AK8: variants seen among roughly 807,000 people sequenced by gnomAD.
AK8 encodes adenylate kinase 8.
A neutral mutation model predicts 54.6 loss-of-function variants in AK8; 44 were observed. That is an observed-to-expected ratio of 0.81 (90% confidence interval 0.63 to 1.04). The LOEUF is 1.04. Ranked by LOEUF, AK8 falls within the 50% of genes least tolerant of loss-of-function variation. The probability of loss-of-function intolerance (pLI) is 0.00; values close to 1 mark genes in which losing one functional copy is unlikely to be tolerated. For missense variants in AK8, 555 were observed against 613.6 expected, an observed-to-expected ratio of 0.90 and a Z score of 1.01; for synonymous variants, 239 against 245.6, an observed-to-expected ratio of 0.97 and a Z score of 0.25.
chr9:132,756,986 T>G (rs1408096084), intron 11 of AK8, among the ~76,000 whole-genome samples: 1 of 152,240 alleles, frequency 6.6e-6, no homozygotes, highest in Non-Finnish European at 1.5e-5. Flanking sequence ...TTATTGCCTC[T>G]CTATCATGAT....
intron 11 of AK8, among the ~76,000 whole-genome samples, chr9:132,750,579 T>C (rs1363687519): frequency 2.6e-5 from 4 of 151,972 alleles, no homozygotes; most frequent in Admixed American, 2.0e-4. Context: ...AAAACCACGC[T>C]TTCTTCTCAA....
At chr9:132,870,268 T>G (rs17149885) in intron 2 of AK8, among the ~76,000 whole-genome samples, 17,819 of 152,212 alleles carry the variant, frequency 0.12, 2,217 homozygotes, top group African/African-American at 0.31. Context: ...ATTAATTTCA[T>G]TTTCTTAAAA....
intron 11 of AK8, among the ~76,000 whole-genome samples, chr9:132,735,350 C>T (rs1345886889): frequency 1.3e-5 from 2 of 152,270 alleles, no homozygotes; most frequent in African/African-American, 4.8e-5. Flanking sequence ...GATCCATGGA[C>T]GGATTGGGTA....
Position 132,776,899 on chromosome 9 carries a change from G to A in AK8, c.1121+15735C>T, listed in dbSNP as rs564062460. On this transcript the variant is annotated intron_variant, in intron 11 of 12. Coordinates refer to ENST00000298545, the MANE Select transcript of AK8 (RefSeq NM_152572.3). ...TCCGGCTTCCACAGGCCATACTTGGGGCCAAGTTCTAGACAACCTGGGACA... is the reference window on the plus strand; with the variant it reads ...TCCGGCTTCCACAGGCCATACTTGGAGCCAAGTTCTAGACAACCTGGGACA... 1.6e-4 allele frequency among the ~76,000 whole-genome samples: 24 copies of A among 152,268 alleles called. No individual in the cohort carries two copies. The East Asian group carries it at 4.1e-3, about 26-fold the overall frequency.
chr9:132,750,363 C>T (rs868081176), intron 11 of AK8, among the ~76,000 whole-genome samples: 1 of 151,922 alleles, frequency 6.6e-6, no homozygotes, highest in Non-Finnish European at 1.5e-5. Flanking sequence ...AAGTGAGCCA[C>T]CCGCCTTGGC....
intron 11 of AK8, among the ~76,000 whole-genome samples, chr9:132,750,165 C>A (rs533389632): frequency 1.1e-4 from 17 of 151,950 alleles, no homozygotes; most frequent in Non-Finnish European, 1.9e-4. Flanking sequence ...GTCATGCAGG[C>A]TGGAGTGCAA....
chr9:132,805,001 G>A (rs1391551169), intron 10 of AK8, among the ~76,000 whole-genome samples: 3 of 152,160 alleles, frequency 2.0e-5, no homozygotes, highest in Admixed American at 6.5e-5. Context: ...TGCACCTGCC[G>A]TTGGGGGGTC....
intron 2 of AK8, among the ~76,000 whole-genome samples, 165 bp from the exon 3 acceptor site, chr9:132,867,118 C>T (rs1843631387): frequency 6.6e-6 from 1 of 152,122 alleles, no homozygotes; most frequent in African/African-American, 2.4e-5. Flanking sequence ...CCATGGAACG[C>T]ATTCTCTGTG....
rs1839902266 is a variant in AK8 at position 132,790,513 on chromosome 9, G to A, written c.1121+2121C>T. On this transcript the variant is annotated intron_variant, in intron 11 of 12. Coordinates refer to ENST00000298545, the MANE Select transcript of AK8 (RefSeq NM_152572.3). This position sits in a 1 kb window ranked among gnomAD's most constrained non-coding sequence, Gnocchi z 4.1. ...GATCCACCCACCTCGGCCTCCCAAA[G>A]TGCTGGGATTACAGGCGTGAGCCAC... 1.3e-5 allele frequency among the ~76,000 whole-genome samples: 2 copies of A among 152,184 alleles called. No individual in the cohort carries two copies. Among genetic ancestry groups the A allele is most frequent in the African/African-American group, 4.8e-5 (2 of 41,442 alleles).
Position 132,781,534 on chromosome 9 carries a change from A to G in AK8, c.1121+11100T>C, listed in dbSNP as rs1309123157. ...TTACCCTTCCCCGATAACTCTATTT[A>G]CTAGTGTGAATATATTTTAATAATA... On this transcript the variant is annotated intron_variant, in intron 11 of 12. Transcript: ENST00000298545. This position sits in a 1 kb window ranked among gnomAD's most constrained non-coding sequence, Gnocchi z 4.6. 6.6e-6 allele frequency among the ~76,000 whole-genome samples: 1 copy of G among 152,128 alleles called. No homozygotes were observed. Among genetic ancestry groups the G allele is most frequent in the Non-Finnish European group, 1.5e-5 (1 of 68,026 alleles).
chr9:132,814,053 G>A (rs957388431), intron 10 of AK8, among the ~76,000 whole-genome samples: 2 of 151,964 alleles, frequency 1.3e-5, no homozygotes, highest in African/African-American at 4.8e-5. Context: ...TGAAACAGGA[G>A]GATCACTTGA....
At chr9:132,861,816 G>A (rs1052836397) in intron 4 of AK8, among the ~76,000 whole-genome samples, 2 of 152,176 alleles carry the variant, frequency 1.3e-5, no homozygotes, top group Non-Finnish European at 1.5e-5. Flanking sequence ...ACGCATGGCC[G>A]AGCCTGCCAT....
intron 11 of AK8, among the ~76,000 whole-genome samples, chr9:132,787,348 C>G (rs1200054819): frequency 2.0e-5 from 3 of 151,906 alleles, no homozygotes; most frequent in African/African-American, 7.3e-5. Flanking sequence ...ATTTCAGAAC[C>G]CTGGAGACAA....
chr9:132,743,723 C>T (rs568447252), intron 11 of AK8, among the ~76,000 whole-genome samples: 5 of 152,268 alleles, frequency 3.3e-5, no homozygotes, highest in South Asian at 4.1e-4. Context: ...TCCTACCTGC[C>T]GGGCACTGGT....
intron 11 of AK8, among the ~76,000 whole-genome samples, chr9:132,754,554 T>C (rs1264577974): frequency 6.6e-6 from 1 of 152,150 alleles, no homozygotes; most frequent in Non-Finnish European, 1.5e-5. Flanking sequence ...AAGTTTCCAT[T>C]GTAAAGAGTA....
chr9:132,741,875 C>T (rs965356838), intron 11 of AK8, among the ~76,000 whole-genome samples: 1 of 152,168 alleles, frequency 6.6e-6, no homozygotes, highest in Non-Finnish European at 1.5e-5. Context: ...TCCTATTCTG[C>T]ACATTTCACA....
intron 3 of AK8, 55 bp downstream of exon 3, chr9:132,866,849 T>C: frequency 6.5e-7 from 1 of 1,549,908 alleles, no homozygotes; most frequent in Non-Finnish European, 8.9e-7. Flanking sequence ...TCATTCCAGC[T>C]CTGGAGGATC....
At chr9:132,878,708 T>C, upstream of AK8, 2 of 988,276 alleles carry the variant, frequency 2.0e-6, no homozygotes, top group Non-Finnish European at 1.2e-6. The surrounding 1 kb of genome is among the most constrained non-coding windows in gnomAD (Gnocchi z 4.7). Context: ...GGGAGGGGCG[T>C]CCATGAGATG....
chr9:132,875,653 T>C (rs1258343365), intron 1 of AK8, among the ~76,000 whole-genome samples: 1 of 152,222 alleles, frequency 6.6e-6, no homozygotes, highest in African/African-American at 2.4e-5. Flanking sequence ...GTATGTGCAC[T>C]ACGTAAATAT....
Sources: gnomAD v4.1 joint callset for allele counts (sites outside exome capture counted in the v4.1 genomes callset) on GRCh38, gnomAD v4.1.1 for gene constraint, Gnocchi (gnomAD v3.1) non-coding constraint, MANE v1.5 for transcripts, NCBI Gene and HGNC (gene_info 2026-07-23, HGNC 2026-07-21) for gene names.